The following PPP5C variants were observed in gnomAD, a reference collection of about 807,000 sequenced individuals.
The protein encoded by PPP5C is protein phosphatase 5 catalytic subunit, also known as serine/threonine-protein phosphatase 5.
In PPP5C, 21 loss-of-function variants were observed where a neutral mutation model predicts 66.7. The observed-to-expected ratio is 0.31, with a 90% CI of 0.22 to 0.45. The LOEUF (loss-of-function observed/expected upper bound fraction) is 0.45. Ranked by LOEUF, PPP5C falls within the 20% of genes least tolerant of loss-of-function variation. The probability of loss-of-function intolerance (pLI) is 1.00; values close to 1 mark genes in which losing one functional copy is unlikely to be tolerated. For synonymous variants in PPP5C, 246 were observed against 257.4 expected (o/e 0.96, Z 0.43); for missense variants, 464 against 675.9 (o/e 0.69, Z 3.48).
intron 8 of PPP5C, 40 bp from the exon 9 acceptor site, chr19:46,387,326 G>C: frequency 6.2e-7 from 1 of 1,608,754 alleles, no homozygotes; most frequent in Non-Finnish European, 8.5e-7. Flanking sequence ...CTGTGGGTGG[G>C]TGGCACCTTC....
chr19:46,371,670 C>T (rs187554546), intron 2 of PPP5C, among the ~76,000 whole-genome samples: 15 of 152,302 alleles, frequency 9.8e-5, no homozygotes, highest in Admixed American at 7.2e-4. Context: ...ACTTATTATA[C>T]AGAGAATGCT....
rs774269286 is a variant in PPP5C, at chr19:46,384,876, C to G, written c.871C>G (p.Leu291Val). 2.2e-5 allele frequency: 35 copies of G among 1,614,136 alleles called. No individual in the cohort carries two copies. Among genetic ancestry groups the G allele is most frequent in the Non-Finnish European group, 2.8e-5 (33 of 1,179,970 alleles). Residue 291 changes from leucine to valine, a missense_variant, in exon 7 of 13, where the codon CTC becomes GTC. By Grantham distance (32) the Leu-to-Val change is conservative (BLOSUM62 1). Coordinates refer to ENST00000012443, the MANE Select transcript of PPP5C (RefSeq NM_006247.4). ...GATCCTCACCCTTTTCGGCTTCAAG[C>G]TCCTGTACCCAGATCACTTTCACCT... ...EVILTLFGFK[L>V]LYPDHFHLLR...
intron 2 of PPP5C, among the ~76,000 whole-genome samples, chr19:46,367,607 A>G (rs1972512269): frequency 6.6e-6 from 1 of 152,152 alleles, no homozygotes; most frequent in African/African-American, 2.4e-5. Context: ...ACCTTTCACC[A>G]ATACTTTGAG....
rs577107317 is a variant in PPP5C at position 46,371,020 on chromosome 19, G to A, written c.364-4584G>A. On this transcript the variant is annotated intron_variant, in intron 2 of 12. Coordinates refer to ENST00000012443, the MANE Select transcript of PPP5C (RefSeq NM_006247.4). ...CTCCCAAAGTGCTGGGATTACAGGC[G>A]TGAGCCACCACGTCCAGCCTGTGTG... is the stretch of plus-strand genomic sequence containing the variant. Among the ~76,000 whole-genome samples the A allele has an allele frequency of 2.6e-5, 4 of 152,296 alleles. No individual in the cohort carries two copies. The East Asian group carries it at 5.8e-4, about 22-fold the overall frequency.
In PPP5C at chr19:46,390,569, G is replaced by C; in HGVS notation, c.*223G>C. 1.4e-6 allele frequency: 2 copies of C among 1,401,200 alleles called. No homozygotes were observed. The highest frequency in any genetic ancestry group is 1.9e-6 in the Non-Finnish European group (2 of 1,076,532). 86.8% of individuals were successfully genotyped at this position (1,401,200 alleles called of 1,614,324 possible). On this transcript the variant is annotated 3_prime_UTR_variant, in exon 13 of 13. Coordinates refer to ENST00000012443, the MANE Select transcript of PPP5C (RefSeq NM_006247.4). ...GGACAGAGAGGAAGGAGGTGGAGCA[G>C]CTGGGGCTGGGGGCACAGCCTGGGC...
chr19:46,360,231 T>C (rs774919016), intron 2 of PPP5C, among the ~76,000 whole-genome samples: 25 of 152,302 alleles, frequency 1.6e-4, no homozygotes, highest in Non-Finnish European at 2.8e-4. Context: ...AATTAATAAC[T>C]GATAACATAT....
chr19:46,359,777 C>CTT (rs35982365), intron 2 of PPP5C, among the ~76,000 whole-genome samples: 63,946 of 121,640 alleles, frequency 0.53, 17,651 homozygotes, highest in South Asian at 0.72. Flanking sequence ...TCGGATTAGA[C>CTT]TTTTTTTTTT....
Position 46,373,208 on chromosome 19 carries a change from C to T in PPP5C, c.364-2396C>T, listed in dbSNP as rs139830371. Among the ~76,000 whole-genome samples, 529 of 152,324 alleles carry T rather than the reference C, an allele frequency of 3.5e-3. 8 individuals carry two copies. Among genetic ancestry groups the T allele is most frequent in the East Asian group, 0.011 (58 of 5,178 alleles). On this transcript the variant is annotated intron_variant, in intron 2 of 12. Transcript: ENST00000012443. The stretch of plus-strand genomic sequence containing the variant: ...GAGGGCATGCAGTGTGCCCCAGGGA[C>T]GAGAGGCCCAGGCAGGGAGGGGAGG...
Position 46,376,408 on chromosome 19 carries a change from G to A in PPP5C, c.512-45G>A. ...GAGCGAGACCCCCTTCTCCCTCATA[G>A]TGGCTGTGGTCACTGACTCTCGTGT... On this transcript the variant is annotated intron_variant, in intron 3 of 12. Transcript: ENST00000012443. The surrounding 1 kb of genome is among the most constrained non-coding windows in gnomAD (Gnocchi z 5.1). 6.2e-7 allele frequency: 1 copy of A among 1,605,428 alleles called. No homozygotes were observed. Among genetic ancestry groups the A allele is most frequent in the Non-Finnish European group, 8.5e-7 (1 of 1,174,714 alleles).
intron 2 of PPP5C, among the ~76,000 whole-genome samples, chr19:46,356,140 G>T (rs1268244516): frequency 1.3e-5 from 2 of 152,234 alleles, no homozygotes; most frequent in African/African-American, 4.8e-5. Flanking sequence ...AGGCCTGGCG[G>T]ATGGCAGGGA....
chr19:46,371,534 TG>T (rs1183409460), intron 2 of PPP5C, among the ~76,000 whole-genome samples: 23 of 152,288 alleles, frequency 1.5e-4, no homozygotes, highest in African/African-American at 5.5e-4. Flanking sequence ...CCACTGAGGT[TG>T]CACAGCCAGG....
rs1359321823 is a variant in PPP5C at position 46,376,085 on chromosome 19, T to A, written c.511+334T>A. Reference sequence around the variant, plus strand: ...TGTTGTGGATCATCCCACAGATGATTATTGAGCATCTCCTATGTGCCCGGC... The same window carrying A: ...TGTTGTGGATCATCCCACAGATGATAATTGAGCATCTCCTATGTGCCCGGC... On this transcript the variant is annotated intron_variant, in intron 3 of 12. Transcript: ENST00000012443. The surrounding 1 kb of genome is among the most constrained non-coding windows in gnomAD (Gnocchi z 5.1). 6.6e-6 allele frequency among the ~76,000 whole-genome samples: 1 copy of A among 152,146 alleles called. No individual in the cohort carries two copies.
At chr19:46,382,860 C>T (rs1258548090) in intron 4 of PPP5C, 3 of 1,065,282 alleles carry the variant, frequency 2.8e-6, no homozygotes, top group South Asian at 3.0e-5. Flanking sequence ...TTGTCAAGGT[C>T]ATATCCAATC....
Position 46,376,446 on chromosome 19 carries a change from AC to A in PPP5C, c.512-4del. 6.2e-7 allele frequency: 1 copy of A among 1,613,016 alleles called. No homozygotes were observed. The stretch of plus-strand genomic sequence containing the variant: ...CTGACTCTCGTGTCCCGTTGTTCAC[AC>A]CCTAGCCATTGAGGATGAGTACAGC... On this transcript the variant is annotated splice_region_variant and splice_polypyrimidine_tract_variant and intron_variant, in intron 3 of 12. Coordinates refer to ENST00000012443, the MANE Select transcript of PPP5C (RefSeq NM_006247.4). The surrounding 1 kb of genome is among the most constrained non-coding windows in gnomAD (Gnocchi z 5.1).
chr19:46,389,770 A>G (rs1487129781), intron 11 of PPP5C, among the ~76,000 whole-genome samples: 1 of 151,894 alleles, frequency 6.6e-6, no homozygotes, highest in Non-Finnish European at 1.5e-5. Flanking sequence ...TCAGATTCCT[A>G]GTGGGGTCTG....
At position 46,373,099 on chromosome 19, in the gene PPP5C, CTGT is replaced by C. The variant is rs1406267033; in HGVS notation, c.364-2504_364-2502del. ...AGGGAGGCTTGAGATGTGAGGCCGC[CTGT>C]CCTGGCAGGCCTGGATTCAGACCCA... On this transcript the variant is annotated intron_variant, in intron 2 of 12. Transcript: ENST00000012443. Among the ~76,000 whole-genome samples, 66 of 152,380 alleles carry C rather than the reference CTGT, an allele frequency of 4.3e-4. 1 individual carries two copies. The East Asian group carries it at 8.3e-3, about 19-fold the overall frequency.
At chr19:46,350,907 C>G (rs576870226) in intron 1 of PPP5C, among the ~76,000 whole-genome samples, 1 of 152,136 alleles carries the variant, frequency 6.6e-6, no homozygotes, top group Non-Finnish European at 1.5e-5. Context: ...AAGAGAGGTC[C>G]CAGGGCTCAG....
chr19:46,379,525 T>C (rs577149796), intron 4 of PPP5C, among the ~76,000 whole-genome samples: 1 of 152,352 alleles, frequency 6.6e-6, no homozygotes, highest in East Asian at 1.9e-4. Flanking sequence ...AGTTCATTTA[T>C]GTTTAACTAT....
intron 9 of PPP5C, chr19:46,387,723 A>G: frequency 7.2e-7 from 1 of 1,383,222 alleles, no homozygotes; most frequent in Non-Finnish European, 9.4e-7. Context: ...TCAGCTGTGG[A>G]ACCCTGGAAG....
Sources: allele counts gnomAD v4.1 joint callset (sites outside exome capture counted in the v4.1 genomes callset), GRCh38; gene constraint gnomAD v4.1.1; non-coding constraint Gnocchi (gnomAD v3.1); transcripts MANE v1.5; gene names NCBI Gene and HGNC (gene_info 2026-07-23, HGNC 2026-07-21).